The following SGMS1 variants were observed in gnomAD, a reference collection of about 807,000 sequenced individuals.
The protein encoded by SGMS1 is sphingomyelin synthase 1.
In SGMS1, 13 loss-of-function variants were observed where a neutral mutation model predicts 46.2. The observed-to-expected ratio is 0.28, with a 90% CI of 0.18 to 0.45. The LOEUF (loss-of-function observed/expected upper bound fraction) is 0.45. Among genes scored for constraint, SGMS1 ranks in the 20% least tolerant of loss-of-function variants. The pLI, the probability that SGMS1 is intolerant of heterozygous loss-of-function variation, is 1.00. For synonymous variants in SGMS1, 203 were observed against 187.8 expected, an observed-to-expected ratio of 1.08 and a Z score of -0.66; for missense variants, 324 against 519.9, an observed-to-expected ratio of 0.62 and a Z score of 3.66.
intron 7 of SGMS1, 36 bp downstream of exon 7, chr10:50,343,456 A>G: frequency 6.5e-7 from 1 of 1,534,872 alleles, no homozygotes. Flanking sequence ...TGCAAATCCC[A>G]TAATCATTGA....
In SGMS1 at chr10:50,595,664, G is replaced by A. The variant is rs369132634; in HGVS notation, c.-683-5417C>T. ...CAAAGTTCATGCTGTTTCCACAGTG[G>A]GCCTTTTAGACAAAATAAAACCATC... is the stretch of plus-strand genomic sequence containing the variant. On this transcript the variant is annotated intron_variant, in intron 1 of 10. Coordinates refer to ENST00000361781, the MANE Select transcript of SGMS1 (RefSeq NM_147156.4). Among the ~76,000 whole-genome samples, 24 of 152,304 alleles carry A rather than the reference G, an allele frequency of 1.6e-4. 1 individual carries two copies. The South Asian group carries it at 4.4e-3, about 28-fold the overall frequency.
intron 6 of SGMS1, among the ~76,000 whole-genome samples, chr10:50,419,775 TCTTTG>T (rs1308689121): frequency 3.9e-5 from 6 of 152,220 alleles, no homozygotes; most frequent in African/African-American, 1.4e-4. Context: ...AATTAAACGT[TCTTTG>T]CTTTGGAGAT....
At chr10:50,570,812 C>T (rs1385540898) in intron 2 of SGMS1, among the ~76,000 whole-genome samples, 3 of 152,306 alleles carry the variant, frequency 2.0e-5, no homozygotes, top group African/African-American at 2.4e-5. Flanking sequence ...GTGGCATGTG[C>T]CTGTAATCCC....
At chr10:50,436,216 T>C (rs1849472292) in intron 5 of SGMS1, among the ~76,000 whole-genome samples, 1 of 152,176 alleles carries the variant, frequency 6.6e-6, no homozygotes, top group East Asian at 1.9e-4. Context: ...ACCATTCTCC[T>C]GCCTCAACCT....
At chr10:50,605,256 G>C (rs963980227) in intron 1 of SGMS1, among the ~76,000 whole-genome samples, 2 of 152,194 alleles carry the variant, frequency 1.3e-5, no homozygotes, top group Non-Finnish European at 1.5e-5. Flanking sequence ...GGAGCTTGCT[G>C]TGCAAACACA....
intron 2 of SGMS1, among the ~76,000 whole-genome samples, chr10:50,542,855 T>C (rs1449150770): frequency 7.1e-6 from 1 of 141,708 alleles, no homozygotes; most frequent in Non-Finnish European, 1.5e-5. Flanking sequence ...TAATGCCAAG[T>C]GCAAAAAAAA....
chr10:50,399,683 C>T (rs989821028), intron 6 of SGMS1, among the ~76,000 whole-genome samples: 2 of 152,062 alleles, frequency 1.3e-5, no homozygotes, highest in African/African-American at 4.8e-5. Flanking sequence ...GTTCATTATG[C>T]TTAGCTCTTG....
At chr10:50,456,354 A>T (rs1464554894) in intron 5 of SGMS1, among the ~76,000 whole-genome samples, 1 of 152,042 alleles carries the variant, frequency 6.6e-6, no homozygotes, top group Non-Finnish European at 1.5e-5. Context: ...TACTCACATG[A>T]CACTATGGAA....
intron 8 of SGMS1, among the ~76,000 whole-genome samples, 158 bp downstream of exon 8, chr10:50,327,047 G>C (rs1054510832): frequency 1.3e-5 from 2 of 152,132 alleles, no homozygotes; most frequent in Admixed American, 1.3e-4. Context: ...ATTCTGGGAA[G>C]GGTGGGGCTG....
In SGMS1 at chr10:50,601,562, A is replaced by G. The variant is rs2131910920; in HGVS notation, c.-683-11315T>C. 1.3e-5 allele frequency among the ~76,000 whole-genome samples: 2 copies of G among 152,356 alleles called. 1 individual carries two copies. Among genetic ancestry groups the G allele is most frequent in the Middle Eastern group, 6.8e-3 (2 of 294 alleles). ...ACCTGACATGAGAACTGAAGCTCAG[A>G]AAGGTTAAGTGGCTTACCCTAGGCC... On this transcript the variant is annotated intron_variant, in intron 1 of 10. Transcript: ENST00000361781.
At chr10:50,528,014 T>C (rs1837919820) in intron 2 of SGMS1, among the ~76,000 whole-genome samples, 1 of 152,172 alleles carries the variant, frequency 6.6e-6, no homozygotes, top group Non-Finnish European at 1.5e-5. Flanking sequence ...CTCTAAGTAC[T>C]AAATAAATAA....
intron 2 of SGMS1, among the ~76,000 whole-genome samples, chr10:50,588,333 G>A (rs181102292): frequency 6.6e-6 from 1 of 152,282 alleles, no homozygotes; most frequent in African/African-American, 2.4e-5. Flanking sequence ...AGACACAAAT[G>A]TCTGTAAAAC....
At chr10:50,332,013 T>C (rs1847631112) in intron 7 of SGMS1, among the ~76,000 whole-genome samples, 1 of 152,226 alleles carries the variant, frequency 6.6e-6, no homozygotes. Context: ...CTAAAATCCA[T>C]TCTGTTTAGA....
chr10:50,587,675 GTGTGTC>G (rs1180533455), intron 2 of SGMS1, among the ~76,000 whole-genome samples: 4 of 150,452 alleles, frequency 2.7e-5, no homozygotes, highest in African/African-American at 1.0e-4. Context: ...GTGTGTGTGT[GTGTGTC>G]GTTATGTAGT....
At chr10:50,345,451 T>A (rs1159954873) in intron 6 of SGMS1, among the ~76,000 whole-genome samples, 1 of 152,202 alleles carries the variant, frequency 6.6e-6, no homozygotes, top group Non-Finnish European at 1.5e-5. Context: ...GATTTACTTA[T>A]TAAAATATTT....
chr10:50,370,119 C>G (rs1848411500), intron 6 of SGMS1, among the ~76,000 whole-genome samples: 1 of 152,104 alleles, frequency 6.6e-6, no homozygotes, highest in South Asian at 2.1e-4. Context: ...CTGGGTGAGT[C>G]AGTGAGTAAA....
At chr10:50,336,291 C>T (rs570718521) in intron 7 of SGMS1, among the ~76,000 whole-genome samples, 81 of 152,254 alleles carry the variant, frequency 5.3e-4, no homozygotes, top group African/African-American at 1.8e-3. Flanking sequence ...AGGTCAGAAT[C>T]AAGGGAAGAG....
chr10:50,469,744 G>T (rs187155225), intron 3 of SGMS1, among the ~76,000 whole-genome samples: 80 of 152,204 alleles, frequency 5.3e-4, no homozygotes, highest in Admixed American at 2.4e-3. Flanking sequence ...AGCAATACTC[G>T]AACTCCTATG....
At position 50,343,742 on chromosome 10, in the gene SGMS1, G is replaced by C. The variant is rs758302781; in HGVS notation, c.373C>G (p.Arg125Gly). 1.2e-6 allele frequency: 2 copies of C among 1,614,166 alleles called. No homozygotes were observed. The highest frequency in any genetic ancestry group is 4.5e-5 in the East Asian group (2 of 44,880). ...MIKIPMPELE[R>G]SQYPMEWGKT... ...CCCCACTCCATGGGGTACTGAGAGC[G>C]CTCCAGTTCTGGCATGGGGATCTTT... The change falls in exon 7 of 11, where the codon CGC (arginine) becomes GGC (glycine). Residue 125 changes from arginine to glycine, a missense_variant. This residue lies in a region of SGMS1 where 150 missense variants were observed against 169.8 expected (regional missense o/e 0.88). Coordinates refer to ENST00000361781, the MANE Select transcript of SGMS1 (RefSeq NM_147156.4).
Sources: gnomAD v4.1 joint callset for allele counts (sites outside exome capture counted in the v4.1 genomes callset) on GRCh38, gnomAD v4.1.1 for gene constraint, gnomAD v4.1.1 regional missense constraint, MANE v1.5 for transcripts, NCBI Gene and HGNC (gene_info 2026-07-23, HGNC 2026-07-21) for gene names.